Variants in COL22A1 observed in about 807,000 individuals in gnomAD.
The protein encoded by COL22A1 is collagen alpha-1(XXII) chain.
Under a neutral mutation model 248.9 loss-of-function variants are expected in COL22A1, and 221 were observed. That is an observed-to-expected ratio of 0.89 (90% CI 0.80 to 0.99). COL22A1 has a LOEUF of 0.99. Ranked by LOEUF, COL22A1 falls within the 50% of genes least tolerant of loss-of-function variation. The pLI is 0.00. For missense variants in COL22A1, 2,240 were observed against 2,179.0 expected, an observed-to-expected ratio of 1.03 and a Z score of -0.56; for synonymous variants, 891 against 793.4, an observed-to-expected ratio of 1.12 and a Z score of -2.07.
chr8:138,812,832 A>G, intron 8 of COL22A1, 107 bp downstream of exon 8: 1 of 837,946 alleles, frequency 1.2e-6, no homozygotes, highest in Non-Finnish European at 2.1e-6. Flanking sequence ...CTGATGGTGG[A>G]TGTCTCCCTG....
intron 41 of COL22A1, among the ~76,000 whole-genome samples, chr8:138,671,220 T>C (rs1212395616): frequency 6.6e-6 from 1 of 152,120 alleles, no homozygotes; most frequent in Non-Finnish European, 1.5e-5. Flanking sequence ...ATGCATAAAA[T>C]ATAGAGAGAT....
rs145462858 is a variant in COL22A1, at chr8:138,590,590, C to A, written c.4693+834G>T. 7.0e-3 allele frequency among the ~76,000 whole-genome samples: 1,067 copies of A among 152,016 alleles called. 13 individuals are homozygous for A. The highest frequency in any genetic ancestry group is 0.024 in the African/African-American group (1,015 of 41,448). ...ATCTAACAAAAATAATAATAAATAT[C>A]CACTTTAGAAAATTTGGAAAATCAT... On this transcript the variant is annotated intron_variant, in intron 64 of 64. Transcript: ENST00000303045.
rs549797367 is a variant in COL22A1 at position 138,870,864 on chromosome 8, GA to G, written c.658+6885del. 4.6e-3 allele frequency among the ~76,000 whole-genome samples: 693 copies of G among 151,776 alleles called. 6 individuals carry two copies. Among genetic ancestry groups the G allele is most frequent in the Non-Finnish European group, 6.8e-3 (464 of 67,840 alleles). On this transcript the variant is annotated intron_variant, in intron 3 of 64. Coordinates refer to ENST00000303045, the MANE Select transcript of COL22A1 (RefSeq NM_152888.3). ...GTGTGTATGTGAGGGTGTGGTTTGTGAGGGGTGTCTGTGTGCATGTGCTTCT... is the reference window on the plus strand; with the variant it reads ...GTGTGTATGTGAGGGTGTGGTTTGTGGGGGTGTCTGTGTGCATGTGCTTCT...
At chr8:138,589,990 T>C (rs1339394856) in intron 64 of COL22A1, among the ~76,000 whole-genome samples, 1 of 152,036 alleles carries the variant, frequency 6.6e-6, no homozygotes, top group Non-Finnish European at 1.5e-5. Flanking sequence ...TGTAAAATCA[T>C]GGCCAAAGAC....
At chr8:138,882,269 T>TC (rs1824268506) in intron 2 of COL22A1, among the ~76,000 whole-genome samples, 1 of 151,736 alleles carries the variant, frequency 6.6e-6, no homozygotes, top group Non-Finnish European at 1.5e-5. Flanking sequence ...CACACACTCA[T>TC]CCCCTCACAT....
At chr8:138,715,372 C>A (rs1260600233) in intron 30 of COL22A1, among the ~76,000 whole-genome samples, 1 of 151,678 alleles carries the variant, frequency 6.6e-6, no homozygotes, top group African/African-American at 2.4e-5. Flanking sequence ...AGTTCAAGAC[C>A]AGACTGGCTA....
intron 23 of COL22A1, among the ~76,000 whole-genome samples, chr8:138,735,432 G>T (rs544743948): frequency 7.2e-5 from 11 of 152,266 alleles, no homozygotes; most frequent in Admixed American, 2.6e-4. Flanking sequence ...TCAATGTCTG[G>T]CCTTCAGTAA....
At chr8:138,885,227 G>C (rs568821192) in intron 1 of COL22A1, among the ~76,000 whole-genome samples, 1 of 152,226 alleles carries the variant, frequency 6.6e-6, no homozygotes, top group Non-Finnish European at 1.5e-5. Context: ...TCTCCATCCT[G>C]GAACGCCCCC....
rs1816777125 is a variant in COL22A1, at chr8:138,588,369, C to T, written c.*884G>A. 1 of 152,184 alleles carries T rather than the reference C, an allele frequency of 6.6e-6. No individual in the cohort carries two copies. Among genetic ancestry groups the T allele is most frequent in the African/African-American group, 2.4e-5 (1 of 41,444 alleles). The allele number at this position is 152,184 out of a possible 1,614,324, so 9.4% of individuals were successfully genotyped here. A position where few individuals can be genotyped will look rare whatever the true frequency, so the allele number is the denominator to read the frequency against. On this transcript the variant is annotated 3_prime_UTR_variant, in exon 65 of 65. Coordinates refer to ENST00000303045, the MANE Select transcript of COL22A1 (RefSeq NM_152888.3). ...CAAATTTCCCAGCTCTGGTCAGTGC[C>T]CTGGCCAACTGCCCATCATTAGGGA...
intron 2 of COL22A1, among the ~76,000 whole-genome samples, chr8:138,879,667 G>C (rs1824023701): frequency 7.1e-6 from 1 of 140,258 alleles, no homozygotes; most frequent in South Asian, 2.4e-4. Flanking sequence ...CTCCAGCCTG[G>C]GTGACAGAGT....
At chr8:138,743,188 G>A (rs899772156) in intron 22 of COL22A1, among the ~76,000 whole-genome samples, 4 of 151,192 alleles carry the variant, frequency 2.6e-5, no homozygotes, top group Non-Finnish European at 4.4e-5. Context: ...TGGTGGAGTT[G>A]ATGGTGATGA....
chr8:138,858,885 C>G (rs762741793), intron 3 of COL22A1, among the ~76,000 whole-genome samples: 1 of 152,072 alleles, frequency 6.6e-6, no homozygotes, highest in East Asian at 1.9e-4. Context: ...TCATGCAGCC[C>G]CTGGAGAGGA....
At chr8:138,762,323 G>A (rs1833554812) in intron 17 of COL22A1, 90 bp downstream of exon 17, 1 of 1,314,456 alleles carries the variant, frequency 7.6e-7, no homozygotes, top group Non-Finnish European at 1.1e-6. Flanking sequence ...CCCAGGTGCT[G>A]AGGCTCTGTG....
intron 60 of COL22A1, among the ~76,000 whole-genome samples, chr8:138,599,969 C>T (rs116201201): frequency 0.018 from 2,694 of 152,262 alleles, 81 homozygotes; most frequent in African/African-American, 0.061. Context: ...TCTAGAGAGA[C>T]AGTGGTCCTC....
At chr8:138,594,261 G>A in intron 62 of COL22A1, 62 bp from the exon 63 acceptor site, 1 of 1,442,072 alleles carries the variant, frequency 6.9e-7, no homozygotes, top group South Asian at 1.3e-5. Flanking sequence ...GGACAGGATG[G>A]CTACTCACTG....
intron 18 of COL22A1, among the ~76,000 whole-genome samples, chr8:138,757,020 A>G (rs1833061527): frequency 6.6e-6 from 1 of 152,110 alleles, no homozygotes. Context: ...TATTCTCTCC[A>G]TGCTGCCAGT....
chr8:138,707,146 T>C (rs557656200), intron 30 of COL22A1, among the ~76,000 whole-genome samples: 6 of 152,254 alleles, frequency 3.9e-5, no homozygotes, highest in African/African-American at 1.4e-4. Flanking sequence ...CAATAATTAA[T>C]AGCCTACCAA....
chr8:138,756,743 G>A (rs1456885710), intron 18 of COL22A1, among the ~76,000 whole-genome samples: 14 of 152,054 alleles, frequency 9.2e-5, no homozygotes, highest in Admixed American at 9.2e-4. Flanking sequence ...TCACTGCCTT[G>A]GGGATTCTAT....
At chr8:138,647,384 TTTG>T (rs1323378962) in intron 46 of COL22A1, among the ~76,000 whole-genome samples, 3 of 152,152 alleles carry the variant, frequency 2.0e-5, no homozygotes, top group Non-Finnish European at 4.4e-5. Flanking sequence ...ATAATAAATA[TTTG>T]TTGTTTTAAG....
Sources: gnomAD v4.1 joint callset for allele counts (sites outside exome capture counted in the v4.1 genomes callset) on GRCh38, gnomAD v4.1.1 for gene constraint, MANE v1.5 for transcripts, NCBI Gene and HGNC (gene_info 2026-07-23, HGNC 2026-07-21) for gene names.